The following DGKG variants were observed in gnomAD, a reference collection of about 807,000 sequenced individuals.
DGKG encodes diacylglycerol kinase gamma.
Under a neutral mutation model 105.3 loss-of-function variants are expected in DGKG, and 78 were observed. That is an observed-to-expected ratio of 0.74 (90% CI 0.62 to 0.89). DGKG has a LOEUF of 0.89. DGKG is among the 40% of genes least tolerant of loss of function. The pLI, the probability that DGKG is intolerant of heterozygous loss-of-function variation, is 0.00. For missense variants in DGKG, 958 were observed against 1,020.1 expected (o/e 0.94, Z 0.83); for synonymous variants, 346 against 367.1 (o/e 0.94, Z 0.66).
intron 15 of DGKG, among the ~76,000 whole-genome samples, chr3:186,261,439 G>T (rs997085559): frequency 1.3e-5 from 2 of 152,206 alleles, no homozygotes; most frequent in African/African-American, 4.8e-5. Flanking sequence ...CTTAATAATG[G>T]CTCACGTGGC....
At chr3:186,303,374 A>G (rs972092788) in intron 3 of DGKG, among the ~76,000 whole-genome samples, 5 of 151,972 alleles carry the variant, frequency 3.3e-5, no homozygotes, top group South Asian at 2.1e-4. Flanking sequence ...GGCCAAAGGA[A>G]CTCTGTTTTT....
chr3:186,166,148 T>C (rs1716531829), intron 22 of DGKG, among the ~76,000 whole-genome samples: 1 of 152,258 alleles, frequency 6.6e-6, no homozygotes, highest in Non-Finnish European at 1.5e-5. Context: ...AAACAATCTC[T>C]TGACGGATGT....
intron 10 of DGKG, among the ~76,000 whole-genome samples, chr3:186,274,779 A>T (rs955717391): frequency 6.6e-6 from 1 of 151,966 alleles, no homozygotes; most frequent in Non-Finnish European, 1.5e-5. Context: ...TCTTAATCCA[A>T]TCTATCATTG....
rs68014632 is a variant in DGKG, at chr3:186,265,657, C to CTTTTTT, written c.1210-357_1210-352dup. ...TTGGCGACTTGGCTTTTCTTCCTTT[C>CTTTTTT]TTTTTTTTTTTTTTTTTTTTTTTTG... On this transcript the variant is annotated intron_variant, in intron 13 of 24. Transcript: ENST00000265022. Among the ~76,000 whole-genome samples, 697 of 77,374 alleles carry CTTTTTT rather than the reference C, an allele frequency of 9.0e-3. 31 individuals carry two copies. The highest frequency in any genetic ancestry group is 0.014 in the African/African-American group (265 of 19,584). The allele number at this position is 77,374 out of a possible 152,430, so 50.8% of individuals were successfully genotyped here. A position where few individuals can be genotyped will look rare whatever the true frequency, so the allele number is the denominator to read the frequency against.
At chr3:186,174,951 T>C (rs556047502) in intron 22 of DGKG, among the ~76,000 whole-genome samples, 29 of 152,140 alleles carry the variant, frequency 1.9e-4, no homozygotes, top group East Asian at 5.8e-4. Flanking sequence ...GATAATCCCA[T>C]TGGGAAGAGT....
At chr3:186,335,522 C>T (rs1388465912) in intron 1 of DGKG, among the ~76,000 whole-genome samples, 1 of 152,106 alleles carries the variant, frequency 6.6e-6, no homozygotes, top group East Asian at 1.9e-4. Flanking sequence ...CTTTTGTTTT[C>T]ATATTCATTT....
chr3:186,151,137 GGAT>G (rs1203896407), intron 24 of DGKG, among the ~76,000 whole-genome samples: 1 of 152,196 alleles, frequency 6.6e-6, no homozygotes, highest in East Asian at 1.9e-4. Flanking sequence ...TAAATGAGGA[GGAT>G]AACATTTGTC....
chr3:186,275,768 T>A (rs1008121844), intron 9 of DGKG, 104 bp from the exon 10 acceptor site: 1 of 700,324 alleles, frequency 1.4e-6, no homozygotes, highest in Non-Finnish European at 2.3e-6. Flanking sequence ...ATTTAGAAGA[T>A]GAGTTATTGA....
intron 17 of DGKG, among the ~76,000 whole-genome samples, chr3:186,253,995 G>T (rs1721344345): frequency 6.6e-6 from 1 of 152,230 alleles, no homozygotes; most frequent in Non-Finnish European, 1.5e-5. Context: ...CAATGACACA[G>T]ATTCCTAATT....
chr3:186,270,449 T>C (rs1168114624), intron 11 of DGKG, among the ~76,000 whole-genome samples: 1 of 152,232 alleles, frequency 6.6e-6, no homozygotes, highest in African/African-American at 2.4e-5. Context: ...ATGTTTTAAA[T>C]TACTTAGCAA....
At chr3:186,257,817 T>C (rs758787168) in intron 17 of DGKG, 37 bp downstream of exon 17, 1 of 1,493,982 alleles carries the variant, frequency 6.7e-7, no homozygotes, top group Admixed American at 1.7e-5. Context: ...ACGCTTACTA[T>C]AAATAAGCAG....
chr3:186,223,924 G>A (rs963098218), intron 20 of DGKG, among the ~76,000 whole-genome samples: 4 of 152,086 alleles, frequency 2.6e-5, no homozygotes, highest in Non-Finnish European at 4.4e-5. Flanking sequence ...TAAGGAATAC[G>A]AATCATTCAG....
At chr3:186,265,354 A>G (rs1721996230) in intron 13 of DGKG, 48 bp from the exon 14 acceptor site, 6 of 1,559,436 alleles carry the variant, frequency 3.8e-6, no homozygotes, top group Non-Finnish European at 4.4e-6. Flanking sequence ...AAGAAGCCTA[A>G]CACAAAGAAA....
chr3:186,242,766 A>G (rs1002724076), intron 19 of DGKG, 198 bp from the exon 20 acceptor site: 16 of 498,770 alleles, frequency 3.2e-5, no homozygotes, highest in African/African-American at 3.1e-4. Flanking sequence ...AGCACCACCA[A>G]TACTCTTACA....
At chr3:186,195,995 T>C (rs1718158541) in intron 21 of DGKG, among the ~76,000 whole-genome samples, 1 of 152,174 alleles carries the variant, frequency 6.6e-6, no homozygotes, top group East Asian at 1.9e-4. Flanking sequence ...AGTTCTTGTC[T>C]TGACCCATTA....
intron 21 of DGKG, among the ~76,000 whole-genome samples, chr3:186,196,849 C>T (rs546369315): frequency 8.5e-5 from 13 of 152,130 alleles, no homozygotes; most frequent in African/African-American, 2.9e-4. Flanking sequence ...TGGGGTGAGT[C>T]GGGTGGTGGT....
Position 186,239,768 on chromosome 3 carries a change from G to T in DGKG, c.1826+2736C>A, listed in dbSNP as rs143151701. 7.9e-5 allele frequency among the ~76,000 whole-genome samples: 12 copies of T among 152,296 alleles called. No homozygotes were observed. The East Asian group carries it at 2.3e-3, about 29-fold the overall frequency. The stretch of plus-strand genomic sequence containing the variant: ...TCCATGCTACCTTGACCTCAGTCAG[G>T]TGAAGAGTGAGCTGAGAACCTACCC... On this transcript the variant is annotated intron_variant, in intron 20 of 24. Coordinates refer to ENST00000265022, the MANE Select transcript of DGKG (RefSeq NM_001346.3).
rs376547921 is a variant in DGKG, at chr3:186,258,048, G to A, written c.1425-109C>T. The A allele has an allele frequency of 4.8e-5, 38 of 798,436 alleles. No homozygotes were observed. The East Asian group carries it at 7.7e-4, about 16-fold the overall frequency. The allele number at this position is 798,436 out of a possible 1,614,324, so 49.5% of individuals were successfully genotyped here. The stretch of plus-strand genomic sequence containing the variant: ...TTCCCCAGGAGTATGTTAAGACCTC[G>A]ATTCCTTTTGTGGTTGAAAGGGTCA... On this transcript the variant is annotated intron_variant, in intron 16 of 24. Transcript: ENST00000265022.
intron 21 of DGKG, among the ~76,000 whole-genome samples, chr3:186,211,519 C>G (rs1308094039): frequency 6.6e-6 from 1 of 152,160 alleles, no homozygotes; most frequent in Non-Finnish European, 1.5e-5. Context: ...GAGGGAATCG[C>G]AAGGCCACGG....
Sources: gnomAD v4.1 joint callset for allele counts (sites outside exome capture counted in the v4.1 genomes callset) on GRCh38, gnomAD v4.1.1 for gene constraint, MANE v1.5 for transcripts, NCBI Gene and HGNC (gene_info 2026-07-23, HGNC 2026-07-21) for gene names.